Variants in AQP3 observed in about 807,000 individuals in gnomAD.
AQP3 encodes aquaporin 3 (Gill blood group).
Under a neutral mutation model 30.3 loss-of-function variants are expected in AQP3, and 15 were observed. That is an observed-to-expected ratio of 0.49 (90% confidence interval 0.33 to 0.76). The LOEUF (loss-of-function observed/expected upper bound fraction) is 0.76, where lower values mean the gene tolerates loss of function less well. Ranked by LOEUF, AQP3 falls within the 30% of genes least tolerant of loss-of-function variation. AQP3 has a pLI of 0.02. For missense variants in AQP3, 272 were observed against 384.8 expected, an observed-to-expected ratio of 0.71 and a Z score of 2.45; for synonymous variants, 153 against 163.2, an observed-to-expected ratio of 0.94 and a Z score of 0.47.
chr9:33,441,677 C>CGA lies in AQP3; in HGVS notation c.*365_*366insTC. On this transcript the variant is annotated 3_prime_UTR_variant, in exon 6 of 6. Transcript: ENST00000297991. The stretch of plus-strand genomic sequence containing the variant: ...CCCCAATAGCCAGAATCCCTTCCGA[C>CGA]TGGTCCCTTGCCCTGAATATCTGGG... 2.4e-6 allele frequency: 1 copy of CGA among 419,942 alleles called. No individual in the cohort carries two copies. Among genetic ancestry groups the CGA allele is most frequent in the South Asian group, 7.4e-5 (1 of 13,574 alleles). 26.0% of individuals were successfully genotyped at this position (419,942 alleles called of 1,614,324 possible).
rs763248020 is a variant in AQP3, at chr9:33,442,406, A to G, written c.605T>C (p.Ile202Thr). 4 of 1,611,906 alleles carry G rather than the reference A, an allele frequency of 2.5e-6. No individual in the cohort carries two copies. Among genetic ancestry groups the G allele is most frequent in the Non-Finnish European group, 3.4e-6 (4 of 1,179,376 alleles). The change falls in exon 5 of 6, where the codon ATT (isoleucine) becomes ACT (threonine). Residue 202 changes from isoleucine to threonine, a missense_variant. Around this residue, in one of 3 missense-constraint regions of AQP3, gnomAD observed 170 missense variants for 286.4 expected, o/e 0.59. Coordinates refer to ENST00000297991, the MANE Select transcript of AQP3 (RefSeq NM_004925.5). The part of the protein sequence containing the change: ...AFTVGLVVLV[I>T]GTSMGFNSGY... ...GGAGTTGAAGCCCATGGAGGTGCCA[A>G]TGACCAGGACCACCAGGCCCACGGT...
chr9:33,443,110 G>T lies in AQP3; in HGVS notation c.374-140C>A. On this transcript the variant is annotated intron_variant, in intron 3 of 5. Transcript: ENST00000297991. The surrounding 1 kb of genome is among the most constrained non-coding windows in gnomAD (Gnocchi z 5.0). ...TATTGCAGCAGGCAGAGGGGGTGGC[G>T]TGGGGTGGGGTGGAGGGCCTGAGAC... 2 of 1,032,734 alleles carry T rather than the reference G, an allele frequency of 1.9e-6. No individual in the cohort carries two copies. Among genetic ancestry groups the T allele is most frequent in the South Asian group, 1.4e-5 (1 of 70,538 alleles). 64.0% of individuals were successfully genotyped at this position (1,032,734 alleles called of 1,614,324 possible).
Position 33,443,869 on chromosome 9 carries a change from G to A in AQP3, c.132C>T (p.Ala44=), listed in dbSNP as rs2228333. The change falls in exon 2 of 6, where the codon GCC becomes GCT. Residue 44 remains alanine, a synonymous_variant. Coordinates refer to ENST00000297991, the MANE Select transcript of AQP3 (RefSeq NM_004925.5). The surrounding 1 kb of genome is among the most constrained non-coding windows in gnomAD (Gnocchi z 5.0). ...GGGTGCCCCGGCTGAGCACAACCTG[G>A]GCCACGGAGCCACAGCCAAACATCT... ...ILVMFGCGSV[A]QVVLSRGTHG... is the part of the protein sequence containing the mutation. 9,570 of 1,613,894 alleles carry A rather than the reference G, an allele frequency of 5.9e-3. 54 individuals carry two copies. The highest frequency in any genetic ancestry group is 7.0e-3 in the Non-Finnish European group (8,276 of 1,179,938).
At position 33,443,783 on chromosome 9, in the gene AQP3, A is replaced by C; in HGVS notation, c.218T>G (p.Ile73Ser). ...GGCCTTACCAGAGACCTGGCCAGCG[A>C]TGAGGATGCCCAGAGTGACAGCAAA... ...FGFAVTLGIL[I>S]AGQVSGAHLN... is the part of the protein sequence containing the mutation. Residue 73 changes from isoleucine to serine, a missense_variant, in exon 2 of 6, where the codon ATC becomes AGC. Physicochemically the swap from Ile to Ser is moderately radical, Grantham distance 142. Around this residue, in one of 3 missense-constraint regions of AQP3, gnomAD observed 170 missense variants for 286.4 expected, o/e 0.59. Transcript: ENST00000297991. The surrounding 1 kb of genome is among the most constrained non-coding windows in gnomAD (Gnocchi z 5.0). 6.2e-7 allele frequency: 1 copy of C among 1,614,030 alleles called. No homozygotes were observed. The highest frequency in any genetic ancestry group is 1.1e-5 in the South Asian group (1 of 91,040).
chr9:33,441,706 C>CT lies in AQP3; in HGVS notation c.*336_*337insA. 2.4e-6 allele frequency: 1 copy of CT among 408,230 alleles called. No homozygotes were observed. Among genetic ancestry groups the CT allele is most frequent in the Non-Finnish European group, 4.1e-6 (1 of 241,076 alleles). The allele number at this position is 408,230 out of a possible 1,614,324, so 25.3% of individuals were successfully genotyped here. On this transcript the variant is annotated 3_prime_UTR_variant, in exon 6 of 6. Coordinates refer to ENST00000297991, the MANE Select transcript of AQP3 (RefSeq NM_004925.5). ...TCCCTTGCCCTGAATATCTGGGAAC[C>CT]CCCCCCACACACACACACCCCTGCA...
At chr9:33,447,288 G>A (rs1430545575) in intron 1 of AQP3, 135 bp downstream of exon 1, 1 of 779,766 alleles carries the variant, frequency 1.3e-6, no homozygotes, top group African/African-American at 1.7e-5. Context: ...TTGATCCTCC[G>A]CGGTTAAGCG....
In AQP3 at chr9:33,441,719, A is replaced by G. The variant is rs1426047443; in HGVS notation, c.*324T>C. 59 of 434,000 alleles carry G rather than the reference A, an allele frequency of 1.4e-4. No individual in the cohort carries two copies. Among genetic ancestry groups the G allele is most frequent in the Non-Finnish European group, 1.2e-5 (3 of 249,570 alleles). 26.9% of individuals were successfully genotyped at this position (434,000 alleles called of 1,614,324 possible). A position where few individuals can be genotyped will look rare whatever the true frequency, so the allele number is the denominator to read the frequency against. The stretch of plus-strand genomic sequence containing the variant: ...ATATCTGGGAACCCCCCCCACACAC[A>G]CACACCCCTGCACACACATGCACAC... On this transcript the variant is annotated 3_prime_UTR_variant, in exon 6 of 6. Coordinates refer to ENST00000297991, the MANE Select transcript of AQP3 (RefSeq NM_004925.5).
rs202094681 is a variant in AQP3, at chr9:33,441,819, C to A, written c.*224G>T. On this transcript the variant is annotated 3_prime_UTR_variant, in exon 6 of 6. Transcript: ENST00000297991. The stretch of plus-strand genomic sequence containing the variant: ...CTTGGGAGACAAAAGGATGTATTGA[C>A]CCAAATTCCGGTTCCACCCCAGCTT... 2 of 679,598 alleles carry A rather than the reference C, an allele frequency of 2.9e-6. No homozygotes were observed. Among genetic ancestry groups the A allele is most frequent in the Admixed American group, 5.4e-5 (2 of 37,260 alleles). The allele number at this position is 679,598 out of a possible 1,614,324, so 42.1% of individuals were successfully genotyped here. A position where few individuals can be genotyped will look rare whatever the true frequency, so the allele number is the denominator to read the frequency against.
At chr9:33,442,808 T>G in intron 4 of AQP3, 44 bp downstream of exon 4, 1 of 1,575,098 alleles carries the variant, frequency 6.3e-7, no homozygotes, top group Non-Finnish European at 8.7e-7. Context: ...CCAAGGCAAC[T>G]CGGTCCCCTC....
intron 4 of AQP3, 120 bp from the exon 5 acceptor site, chr9:33,442,638 C>A: frequency 8.4e-7 from 1 of 1,193,722 alleles, no homozygotes; most frequent in South Asian, 1.3e-5. Context: ...TGCTCTTCTC[C>A]TGAAAGCAAT....
rs891515641 is a variant in AQP3 at position 33,443,125 on chromosome 9, G to A, written c.374-155C>T. On this transcript the variant is annotated intron_variant, in intron 3 of 5. Transcript: ENST00000297991. This position sits in a 1 kb window ranked among gnomAD's most constrained non-coding sequence, Gnocchi z 5.0. ...AGGGGGTGGCGTGGGGTGGGGTGGA[G>A]GGCCTGAGACTCTGTTATTGCCCAA... The A allele has an allele frequency of 8.5e-6, 9 of 1,057,558 alleles. No individual in the cohort carries two copies. Among genetic ancestry groups the A allele is most frequent in the Admixed American group, 4.0e-5 (2 of 49,642 alleles). 65.5% of individuals were successfully genotyped at this position (1,057,558 alleles called of 1,614,324 possible).
Position 33,443,390 on chromosome 9 carries a change from G to T in AQP3, c.304C>A (p.Pro102Thr). The T allele has an allele frequency of 6.2e-6, 10 of 1,604,800 alleles. No homozygotes were observed. The highest frequency in any genetic ancestry group is 1.3e-5 in the African/African-American group (1 of 74,560). ...FLAREPWIKL[P>T]IYTLAQTLGA... ...AGCGTCTGTGCCAGGGTGTAGATGGGCAGCTTGATCCAGGGCTCACGAGCC... is the reference window on the plus strand; with the variant it reads ...AGCGTCTGTGCCAGGGTGTAGATGGTCAGCTTGATCCAGGGCTCACGAGCC... The change falls in exon 3 of 6, where the codon CCC (proline) becomes ACC (threonine). Residue 102 changes from proline (P) to threonine (T), a missense_variant. Coordinates refer to ENST00000297991, the MANE Select transcript of AQP3 (RefSeq NM_004925.5). This position sits in a 1 kb window ranked among gnomAD's most constrained non-coding sequence, Gnocchi z 5.0.
rs1388316449 is a variant in AQP3, at chr9:33,447,567, G to A, written c.-37C>T. 6.6e-7 allele frequency: 1 copy of A among 1,510,874 alleles called. No individual in the cohort carries two copies. Among genetic ancestry groups the A allele is most frequent in the Middle Eastern group, 1.9e-4 (1 of 5,238 alleles). The allele number at this position is 1,510,874 out of a possible 1,614,324, so 93.6% of individuals were successfully genotyped here. A position where few individuals can be genotyped will look rare whatever the true frequency, so the allele number is the denominator to read the frequency against. ...CGGCGGCGCTGTCGGGCGGGCAGGG[G>A]TGGCGGGAGGCGGTGGCGCAGCGAG... is the stretch of plus-strand genomic sequence containing the variant. On this transcript the variant is annotated 5_prime_UTR_variant, in exon 1 of 6. Coordinates refer to ENST00000297991, the MANE Select transcript of AQP3 (RefSeq NM_004925.5).
intron 1 of AQP3, among the ~76,000 whole-genome samples, 184 bp downstream of exon 1, chr9:33,447,239 G>C (rs1826927862): frequency 1.3e-5 from 2 of 152,230 alleles, no homozygotes; most frequent in African/African-American, 4.8e-5. Flanking sequence ...TGTCAGAGAG[G>C]GGGTTAGAAC....
chr9:33,447,383 G>T, intron 1 of AQP3, 40 bp downstream of exon 1: 2 of 1,511,340 alleles, frequency 1.3e-6, no homozygotes, highest in Non-Finnish European at 1.8e-6. Flanking sequence ...GGAGTGCAAG[G>T]GCTGGAGAGA....
Position 33,443,420 on chromosome 9 carries a change from A to G in AQP3, c.274T>C (p.Phe92Leu). 1 of 1,611,650 alleles carries G rather than the reference A, an allele frequency of 6.2e-7. No individual in the cohort carries two copies. Residue 92 changes from phenylalanine to leucine, a missense_variant, in exon 3 of 6, where the codon TTC becomes CTC. Physicochemically the swap from Phe to Leu is conservative, Grantham distance 22. Around this residue, in one of 3 missense-constraint regions of AQP3, gnomAD observed 170 missense variants for 286.4 expected, o/e 0.59. Coordinates refer to ENST00000297991, the MANE Select transcript of AQP3 (RefSeq NM_004925.5). This position sits in a 1 kb window ranked among gnomAD's most constrained non-coding sequence, Gnocchi z 5.0. ...LNPAVTFAMC[F>L]LAREPWIKLP... ...TTGATCCAGGGCTCACGAGCCAGGA[A>G]GCACATGGCAAAGGTCACGGCAGGG...
rs777142466 is a variant in AQP3, at chr9:33,447,560, G to A, written c.-30C>T. 1.7e-5 allele frequency: 27 copies of A among 1,544,880 alleles called. No homozygotes were observed. Among genetic ancestry groups the A allele is most frequent in the East Asian group, 2.3e-5 (1 of 42,566 alleles). ...GGGCAGGCGGCGGCGCTGTCGGGCG[G>A]GCAGGGGTGGCGGGAGGCGGTGGCG... On this transcript the variant is annotated 5_prime_UTR_variant, in exon 1 of 6. Transcript: ENST00000297991.
Position 33,443,284 on chromosome 9 carries a change from G to A in AQP3, c.373+37C>T, listed in dbSNP as rs776577569. ...GCCAGCAGGTCCTGAACAGAGGGAC[G>A]GGGGTAGTGGAGGAGGACAGGGTGG... On this transcript the variant is annotated intron_variant, in intron 3 of 5. Transcript: ENST00000297991. This position sits in a 1 kb window ranked among gnomAD's most constrained non-coding sequence, Gnocchi z 5.0. 20 of 1,563,664 alleles carry A rather than the reference G, an allele frequency of 1.3e-5. No individual in the cohort carries two copies. Among genetic ancestry groups the A allele is most frequent in the South Asian group, 7.1e-5 (6 of 84,856 alleles).
At position 33,441,712 on chromosome 9, in the gene AQP3, CACA is replaced by C. The variant is rs1563865776; in HGVS notation, c.*328_*330del. On this transcript the variant is annotated 3_prime_UTR_variant, in exon 6 of 6. Coordinates refer to ENST00000297991, the MANE Select transcript of AQP3 (RefSeq NM_004925.5). Reference sequence around the variant, plus strand: ...GCCCTGAATATCTGGGAACCCCCCCCACACACACACACCCCTGCACACACATGC... The same window carrying C: ...GCCCTGAATATCTGGGAACCCCCCCCCACACACACCCCTGCACACACATGC... 2.9e-6 allele frequency: 1 copy of C among 346,774 alleles called. No individual in the cohort carries two copies. The highest frequency in any genetic ancestry group is 4.7e-6 in the Non-Finnish European group (1 of 213,422). 21.5% of individuals were successfully genotyped at this position (346,774 alleles called of 1,614,324 possible).
Sources: allele counts gnomAD v4.1 joint callset (sites outside exome capture counted in the v4.1 genomes callset), GRCh38; gene constraint gnomAD v4.1.1; regional missense constraint gnomAD v4.1.1; non-coding constraint Gnocchi (gnomAD v3.1); transcripts MANE v1.5; gene names NCBI Gene and HGNC (gene_info 2026-07-23, HGNC 2026-07-21).